The following TTC28 variants were observed in gnomAD, a reference collection of about 807,000 sequenced individuals.
TTC28 encodes tetratricopeptide repeat domain 28, also known as tetratricopeptide repeat protein 28.
Under a neutral mutation model 198.0 loss-of-function variants are expected in TTC28, and 61 were observed. That is an observed-to-expected ratio of 0.31 (90% CI 0.25 to 0.38). The LOEUF (loss-of-function observed/expected upper bound fraction) is 0.38, where lower values mean the gene tolerates loss of function less well. TTC28 is among the 10% of genes least tolerant of loss of function. The probability of loss-of-function intolerance (pLI) is 1.00; values close to 1 mark genes in which losing one functional copy is unlikely to be tolerated. For missense variants in TTC28, 2,678 were observed against 3,164.0 expected, an observed-to-expected ratio of 0.85 and a Z score of 3.69; for synonymous variants, 1,171 against 1,297.8, an observed-to-expected ratio of 0.90 and a Z score of 2.10.
intron 5 of TTC28, among the ~76,000 whole-genome samples, chr22:28,189,398 A>G (rs1924512100): frequency 6.6e-6 from 1 of 152,124 alleles, no homozygotes; most frequent in Admixed American, 6.5e-5. Context: ...AAGAAATCCT[A>G]AGGAAGGGGG....
At chr22:28,460,125 T>A (rs533920043) in intron 2 of TTC28, among the ~76,000 whole-genome samples, 1 of 152,272 alleles carries the variant, frequency 6.6e-6, no homozygotes, top group South Asian at 2.1e-4. Flanking sequence ...TCTAGTTTTA[T>A]CTAGGAGATA....
At chr22:28,084,210 C>A (rs951279514) in intron 12 of TTC28, among the ~76,000 whole-genome samples, 1 of 152,216 alleles carries the variant, frequency 6.6e-6, no homozygotes, top group Non-Finnish European at 1.5e-5. Context: ...GGCAGACTGC[C>A]TCCTCAAGTG....
At chr22:28,433,641 A>G (rs1022268018) in intron 2 of TTC28, among the ~76,000 whole-genome samples, 6 of 152,218 alleles carry the variant, frequency 3.9e-5, no homozygotes, top group African/African-American at 7.2e-5. Flanking sequence ...ATATTTAAAT[A>G]TGTATTAATT....
At chr22:28,109,994 C>T (rs1942439678) in intron 6 of TTC28, among the ~76,000 whole-genome samples, 1 of 152,196 alleles carries the variant, frequency 6.6e-6, no homozygotes, top group South Asian at 2.1e-4. Context: ...TTCACTTATC[C>T]AGCAGACATT....
At chr22:28,135,332 G>T (rs924924630) in intron 6 of TTC28, among the ~76,000 whole-genome samples, 2 of 152,008 alleles carry the variant, frequency 1.3e-5, no homozygotes, top group African/African-American at 4.8e-5. Context: ...TATTATAATA[G>T]GATTATTTAC....
intron 12 of TTC28, among the ~76,000 whole-genome samples, chr22:28,073,560 G>C (rs1226518414): frequency 6.6e-6 from 1 of 152,218 alleles, no homozygotes; most frequent in Non-Finnish European, 1.5e-5. Flanking sequence ...AACAAGGAGC[G>C]TAAAGCCTGA....
chr22:28,486,329 A>G (rs1464274544), intron 2 of TTC28, among the ~76,000 whole-genome samples: 2 of 152,168 alleles, frequency 1.3e-5, no homozygotes, highest in African/African-American at 4.8e-5. Context: ...AGAGATATGG[A>G]AGGAAGACAA....
rs745495590 is a variant in TTC28 at position 28,094,222 on chromosome 22, A to T, written c.3790T>A (p.Tyr1264Asn). ...TTTTCCACTGTGTTCTCACCCAGGT[A>T]GTGTTCATGAAACTTCACAATTCCT... Reference protein sequence around the residue: ...GAGIVKFHEHYLGENTVENSS... With the variant: ...GAGIVKFHEHNLGENTVENSS... The change falls in exon 12 of 23, where the codon TAC becomes AAC. Residue 1264 changes from tyrosine to asparagine, a missense_variant. By Grantham distance (143) the Tyr-to-Asn change is moderately radical. Transcript: ENST00000397906. The T allele has an allele frequency of 9.7e-6, 15 of 1,548,284 alleles. No homozygotes were observed. In the African/African-American group the frequency reaches 1.9e-4, roughly 20 times the overall value.
At chr22:27,990,650 A>C (rs1293776394) in intron 20 of TTC28, 139 bp downstream of exon 20, 5 of 731,856 alleles carry the variant, frequency 6.8e-6, no homozygotes, top group African/African-American at 1.8e-5. Context: ...AGCAGTGCGC[A>C]CCCGCGGGGG....
chr22:28,188,929 G>T (rs4822954), intron 5 of TTC28, among the ~76,000 whole-genome samples: 46,761 of 151,914 alleles, frequency 0.31, 7,423 homozygotes, highest in East Asian at 0.44. Flanking sequence ...CTCCTCATAT[G>T]AGCAAAGATT....
chr22:28,561,881 G>C (rs2049887981), intron 2 of TTC28, among the ~76,000 whole-genome samples: 1 of 152,046 alleles, frequency 6.6e-6, no homozygotes, highest in Non-Finnish European at 1.5e-5. Context: ...ATAGTAGTTT[G>C]TCTTTTCTCT....
intron 12 of TTC28, among the ~76,000 whole-genome samples, chr22:28,084,394 A>C (rs147801358): frequency 0.068 from 10,373 of 152,288 alleles, 647 homozygotes; most frequent in East Asian, 0.24. Context: ...GATACCCAGG[A>C]AAACAGGGTC....
intron 5 of TTC28, among the ~76,000 whole-genome samples, chr22:28,255,372 G>T (rs902116147): frequency 1.3e-5 from 2 of 152,104 alleles, no homozygotes; most frequent in East Asian, 1.9e-4. Context: ...TGAACAACAT[G>T]TGTATGACTT....
rs74656314 is a variant in TTC28, at chr22:28,412,066, C to G, written c.382-105423G>C. On this transcript the variant is annotated intron_variant, in intron 2 of 22. Coordinates refer to ENST00000397906, the MANE Select transcript of TTC28 (RefSeq NM_001145418.2). ...AAGTTCTATAAGTGGGTTGACACGT[C>G]ACTGAGGCTTATCCCCTGTTTTAGT... Among the ~76,000 whole-genome samples the G allele has an allele frequency of 7.8e-3, 1,184 of 152,352 alleles. 23 individuals carry two copies. Among genetic ancestry groups the G allele is most frequent in the African/African-American group, 0.026 (1,090 of 41,576 alleles).
At chr22:28,233,581 C>A (rs1928981398) in intron 5 of TTC28, among the ~76,000 whole-genome samples, 1 of 152,126 alleles carries the variant, frequency 6.6e-6, no homozygotes, top group South Asian at 2.1e-4. Flanking sequence ...TCCAAGTATT[C>A]TTCAGACATT....
At chr22:28,562,834 C>T (rs2049908833) in intron 2 of TTC28, among the ~76,000 whole-genome samples, 1 of 152,116 alleles carries the variant, frequency 6.6e-6, no homozygotes, top group African/African-American at 2.4e-5. Flanking sequence ...TTAAGATAGA[C>T]AGAAATGGGC....
intron 12 of TTC28, among the ~76,000 whole-genome samples, chr22:28,065,436 G>A (rs1940712730): frequency 6.6e-6 from 1 of 152,176 alleles, no homozygotes; most frequent in Non-Finnish European, 1.5e-5. Flanking sequence ...AGACTGCTGT[G>A]CCATAACATT....
Position 28,107,110 on chromosome 22 carries a change from C to T in TTC28, c.2735G>A (p.Arg912His), listed in dbSNP as rs779754496. 60 of 1,551,606 alleles carry T rather than the reference C, an allele frequency of 3.9e-5. No individual in the cohort carries two copies. The highest frequency in any genetic ancestry group is 1.7e-4 in the Middle Eastern group (1 of 5,992). ...GTAAGCCTTGGCTTGGTCTTGCATG[C>T]GATTCAGACTCTGCGCGACAGATAA... ...QYLSVAQSLN[R>H]MQDQAKAYRG... The change falls in exon 7 of 23, where the codon CGC becomes CAC. Residue 912 changes from arginine to histidine, a missense_variant. By Grantham distance (29) the Arg-to-His change is conservative. Transcript: ENST00000397906.
intron 14 of TTC28, among the ~76,000 whole-genome samples, chr22:28,003,770 C>T (rs753280836): frequency 3.9e-5 from 6 of 152,340 alleles, no homozygotes; most frequent in Middle Eastern, 3.4e-3. Flanking sequence ...ACCTCATCTG[C>T]GGCACAAGCC....
Sources: allele counts gnomAD v4.1 joint callset (sites outside exome capture counted in the v4.1 genomes callset), GRCh38; gene constraint gnomAD v4.1.1; transcripts MANE v1.5; gene names NCBI Gene and HGNC (gene_info 2026-07-23, HGNC 2026-07-21).